PIP5K1B: variants seen among roughly 807,000 people sequenced by gnomAD.
PIP5K1B encodes the protein phosphatidylinositol-4-phosphate 5-kinase type 1 beta.
PIP5K1B carries 42 observed loss-of-function variants against 67.0 expected under a neutral mutation model. The observed-to-expected ratio is 0.63, with a 90% CI of 0.49 to 0.81. PIP5K1B has a LOEUF of 0.81. Ranked by LOEUF, PIP5K1B falls within the 30% of genes least tolerant of loss-of-function variation. The pLI is 0.00. For missense variants in PIP5K1B, 459 were observed against 646.3 expected (o/e 0.71, Z 3.14); for synonymous variants, 214 against 231.4 (o/e 0.92, Z 0.68).
intron 8 of PIP5K1B, among the ~76,000 whole-genome samples, chr9:68,916,601 C>T (rs527390766): frequency 4.8e-4 from 73 of 152,194 alleles, no homozygotes; most frequent in African/African-American, 1.6e-3. Context: ...GGGCTGGGTG[C>T]GGTGGCTCAC....
At chr9:68,901,407 G>C (rs896870198) in intron 8 of PIP5K1B, among the ~76,000 whole-genome samples, 3 of 151,960 alleles carry the variant, frequency 2.0e-5, no homozygotes, top group African/African-American at 7.3e-5. Context: ...TACCGGTGTG[G>C]ACCACCACAC....
At chr9:68,736,777 G>A (rs1479892235) in intron 1 of PIP5K1B, among the ~76,000 whole-genome samples, 2 of 152,194 alleles carry the variant, frequency 1.3e-5, no homozygotes, top group Non-Finnish European at 2.9e-5. Flanking sequence ...TACTTTGGGT[G>A]CATTTGGATA....
chr9:68,849,601 A>G (rs1822376269), intron 4 of PIP5K1B, among the ~76,000 whole-genome samples: 1 of 152,150 alleles, frequency 6.6e-6, no homozygotes, highest in African/African-American at 2.4e-5. Context: ...CCTGAGCTCA[A>G]GCAATCCACC....
intron 8 of PIP5K1B, among the ~76,000 whole-genome samples, chr9:68,913,198 C>G (rs976042446): frequency 6.6e-6 from 1 of 152,152 alleles, no homozygotes; most frequent in Admixed American, 6.5e-5. Flanking sequence ...TGAATCATTC[C>G]TGTTTCCTTT....
chr9:68,962,160 A>G (rs1828785643), intron 14 of PIP5K1B, among the ~76,000 whole-genome samples: 1 of 152,218 alleles, frequency 6.6e-6, no homozygotes, highest in South Asian at 2.1e-4. Flanking sequence ...AGGTCATTAC[A>G]GTATGAACTA....
At chr9:68,929,163 T>TAAAAA (rs60505568) in intron 12 of PIP5K1B, among the ~76,000 whole-genome samples, 1 of 101,506 alleles carries the variant, frequency 9.9e-6, no homozygotes, top group Non-Finnish European at 2.0e-5. Flanking sequence ...AGACTCTATC[T>TAAAAA]AAAAAAAAAA....
chr9:68,868,798 T>C (rs989623740), intron 5 of PIP5K1B, among the ~76,000 whole-genome samples: 3 of 152,222 alleles, frequency 2.0e-5, no homozygotes, highest in Non-Finnish European at 4.4e-5. Context: ...TGAGGAATTT[T>C]TAAAGCCCCT....
chr9:68,780,824 C>T (rs1197798609), intron 2 of PIP5K1B: 18 of 1,614,098 alleles, frequency 1.1e-5, no homozygotes, highest in Non-Finnish European at 1.4e-5. Context: ...TTTTCCAGGG[C>T]ATCACCAACA....
chr9:68,730,021 ACAAAC>A (rs1329351340), intron 1 of PIP5K1B, among the ~76,000 whole-genome samples: 1 of 152,168 alleles, frequency 6.6e-6, no homozygotes, highest in Non-Finnish European at 1.5e-5. Flanking sequence ...AAATGATTAA[ACAAAC>A]CATAATAATT....
intron 2 of PIP5K1B, among the ~76,000 whole-genome samples, chr9:68,745,197 A>G (rs923917439): frequency 6.6e-6 from 1 of 152,172 alleles, no homozygotes. Context: ...CCCCCTCATG[A>G]GGCTGGAAGG....
intron 14 of PIP5K1B, among the ~76,000 whole-genome samples, chr9:68,971,484 G>A (rs533439886): frequency 6.6e-5 from 10 of 152,222 alleles, no homozygotes; most frequent in South Asian, 6.2e-4. Flanking sequence ...TAGTAGAATC[G>A]TTTATAATCC....
intron 1 of PIP5K1B, among the ~76,000 whole-genome samples, chr9:68,707,157 G>T (rs529940275): frequency 3.9e-5 from 6 of 152,178 alleles, no homozygotes; most frequent in African/African-American, 4.8e-5. Context: ...AGAGACTTAT[G>T]AGGACTGATG....
intron 1 of PIP5K1B, among the ~76,000 whole-genome samples, chr9:68,712,413 C>T (rs532334602): frequency 1.4e-4 from 21 of 152,336 alleles, no homozygotes; most frequent in Non-Finnish European, 2.1e-4. Context: ...AACAGATTAA[C>T]ACGGATACTT....
intron 12 of PIP5K1B, among the ~76,000 whole-genome samples, chr9:68,925,978 T>C (rs1826678856): frequency 6.6e-6 from 1 of 151,614 alleles, no homozygotes; most frequent in African/African-American, 2.4e-5. Context: ...TTGCTTTTAG[T>C]AAAGATGGGG....
At chr9:68,930,756 C>CTAA (rs145696886) in intron 12 of PIP5K1B, among the ~76,000 whole-genome samples, 347 of 150,740 alleles carry the variant, frequency 2.3e-3, no homozygotes, top group South Asian at 5.1e-3. Context: ...CCCTTCCATG[C>CTAA]TAATAATAAT....
At chr9:68,842,414 T>C (rs965321355) in intron 4 of PIP5K1B, among the ~76,000 whole-genome samples, 7 of 152,240 alleles carry the variant, frequency 4.6e-5, no homozygotes, top group African/African-American at 1.7e-4. Flanking sequence ...TGTTTTGCAC[T>C]TGGCTTGGTG....
In PIP5K1B at chr9:68,958,679, A is replaced by C. The variant is rs187553587; in HGVS notation, c.1502+17889A>C. Among the ~76,000 whole-genome samples the C allele has an allele frequency of 1.8e-4, 28 of 152,362 alleles. No homozygotes were observed. The East Asian group carries it at 5.4e-3, about 29-fold the overall frequency. ...AATATTTTTAATTATTTTTTAAATT[A>C]GATGGGCTCTGTGGAATGTTGCATG... On this transcript the variant is annotated intron_variant, in intron 14 of 15. Transcript: ENST00000265382.
In PIP5K1B at chr9:69,001,081, T is replaced by A. The variant is rs570244712; in HGVS notation, c.1621-7366T>A. ...ACCCGGCTAATTTTTATTTTTATTT[T>A]TTTTTTGTAATGACAGGGTTTCAGC... On this transcript the variant is annotated intron_variant, in intron 15 of 15. Transcript: ENST00000265382. Among the ~76,000 whole-genome samples the A allele has an allele frequency of 1.4e-4, 22 of 151,956 alleles. No individual in the cohort carries two copies. In the South Asian group the frequency reaches 1.7e-3, roughly 12 times the overall value.
At chr9:68,997,990 A>G (rs1462093439) in intron 15 of PIP5K1B, among the ~76,000 whole-genome samples, 1 of 149,248 alleles carries the variant, frequency 6.7e-6, no homozygotes, top group Non-Finnish European at 1.5e-5. Flanking sequence ...TTTTTCTGTT[A>G]GGTCCTAGCT....
Sources: gnomAD v4.1 joint callset for allele counts (sites outside exome capture counted in the v4.1 genomes callset) on GRCh38, gnomAD v4.1.1 for gene constraint, MANE v1.5 for transcripts, NCBI Gene and HGNC (gene_info 2026-07-23, HGNC 2026-07-21) for gene names.